TENM2: variants seen among roughly 807,000 people sequenced by gnomAD.
TENM2 encodes the protein teneurin-2.
In TENM2, 52 loss-of-function variants were observed where a neutral mutation model predicts 245.2. The ratio of observed to expected loss-of-function variants is 0.21; its 90% CI spans 0.17 to 0.27. The LOEUF is 0.27. Ranked by LOEUF, TENM2 falls within the 10% of genes least tolerant of loss-of-function variation. TENM2 has a pLI of 1.00. For missense variants in TENM2, 3,046 were observed against 3,666.8 expected (o/e 0.83, Z 4.37); for synonymous variants, 1,363 against 1,438.9 (o/e 0.95, Z 1.19).
chr5:167,721,972 C>A (rs1301658802), intron 2 of TENM2, among the ~76,000 whole-genome samples: 1 of 152,192 alleles, frequency 6.6e-6, no homozygotes, highest in Non-Finnish European at 1.5e-5. Context: ...GACGTGAAAT[C>A]CTCAGCTCTG....
chr5:167,873,021 AAC>A (rs1228287902), intron 2 of TENM2, among the ~76,000 whole-genome samples: 2 of 152,250 alleles, frequency 1.3e-5, no homozygotes, highest in Non-Finnish European at 2.9e-5. Context: ...ATGCCTCAAT[AAC>A]ACAAACTTTA....
the TENM2 span, among the ~76,000 whole-genome samples, chr5:167,073,975 G>A: frequency 6.6e-6 from 1 of 152,080 alleles, no homozygotes; most frequent in African/African-American, 2.4e-5. Context: ...TCTTTCTTAA[G>A]ACACCTACAA....
intron 2 of TENM2, among the ~76,000 whole-genome samples, chr5:167,447,790 C>T (rs1765321051): frequency 1.3e-5 from 2 of 152,328 alleles, no homozygotes; most frequent in South Asian, 2.1e-4. Context: ...CCTGCCCATG[C>T]TGTCTTTCTT....
At chr5:167,016,712 T>C in the TENM2 span, among the ~76,000 whole-genome samples, 2 of 152,200 alleles carry the variant, frequency 1.3e-5, no homozygotes, top group African/African-American at 2.4e-5. Flanking sequence ...ACACATATGC[T>C]AGTTTGCTTT....
intron 2 of TENM2, among the ~76,000 whole-genome samples, chr5:167,874,823 C>A (rs1333370039): frequency 6.6e-6 from 1 of 152,204 alleles, no homozygotes; most frequent in Non-Finnish European, 1.5e-5. Flanking sequence ...CGCTCCATGT[C>A]ACTGAGCACC....
chr5:167,731,267 G>A (rs1262966252), intron 2 of TENM2, among the ~76,000 whole-genome samples: 2 of 150,670 alleles, frequency 1.3e-5, no homozygotes, highest in Non-Finnish European at 2.9e-5. Flanking sequence ...CGTTTTGAGC[G>A]AGATGGAAGA....
chr5:167,184,409 A>G, the TENM2 span, among the ~76,000 whole-genome samples: 1 of 152,190 alleles, frequency 6.6e-6, no homozygotes, highest in East Asian at 1.9e-4. Context: ...TACTGAAAAT[A>G]CCGTTTATAA....
At chr5:167,203,409 A>G in the TENM2 span, among the ~76,000 whole-genome samples, 2 of 151,990 alleles carry the variant, frequency 1.3e-5, no homozygotes, top group African/African-American at 4.8e-5. Flanking sequence ...CCTTCTTTCT[A>G]TCCTCTGTGG....
chr5:168,039,426 A>G (rs191447439), intron 5 of TENM2, among the ~76,000 whole-genome samples: 1 of 152,344 alleles, frequency 6.6e-6, no homozygotes, highest in East Asian at 1.9e-4. Flanking sequence ...TTTCGTTATC[A>G]GAAAAGCTCT....
At chr5:167,249,475 C>A in the TENM2 span, among the ~76,000 whole-genome samples, 7 of 152,202 alleles carry the variant, frequency 4.6e-5, no homozygotes, top group Admixed American at 3.9e-4. Context: ...CTCTGTCTCT[C>A]ACCTCCTCCT....
intron 2 of TENM2, among the ~76,000 whole-genome samples, chr5:167,643,064 A>T (rs943428064): frequency 5.3e-5 from 8 of 152,192 alleles, no homozygotes; most frequent in Non-Finnish European, 1.5e-5. Flanking sequence ...ATTATTGTTA[A>T]ATCATCTATG....
At chr5:166,991,169 A>ATT in the TENM2 span, among the ~76,000 whole-genome samples, 1 of 139,676 alleles carries the variant, frequency 7.2e-6, no homozygotes, top group Non-Finnish European at 1.6e-5. Flanking sequence ...TGGTGTTTTG[A>ATT]TTTTTTTTTT....
At chr5:167,923,810 C>T (rs933204223) in intron 3 of TENM2, among the ~76,000 whole-genome samples, 1 of 152,046 alleles carries the variant, frequency 6.6e-6, no homozygotes, top group African/African-American at 2.4e-5. Context: ...CTAGTATCTC[C>T]CACTGTCTTA....
intron 2 of TENM2, among the ~76,000 whole-genome samples, chr5:167,630,727 C>T (rs765196250): frequency 1.3e-5 from 2 of 152,102 alleles, no homozygotes; most frequent in African/African-American, 2.4e-5. Context: ...TATTTAAAGC[C>T]AAACTGGATC....
chr5:167,638,934 T>C (rs1779386423), intron 2 of TENM2, among the ~76,000 whole-genome samples: 1 of 152,208 alleles, frequency 6.6e-6, no homozygotes, highest in African/African-American at 2.4e-5. Flanking sequence ...GGGCTAACAC[T>C]TGTCTCTCAG....
At chr5:168,213,946 C>T (rs1398590420) in intron 20 of TENM2, among the ~76,000 whole-genome samples, 1 of 152,192 alleles carries the variant, frequency 6.6e-6, no homozygotes, top group African/African-American at 2.4e-5. Flanking sequence ...ATTGTAATAA[C>T]CAGTATAGGA....
intron 2 of TENM2, among the ~76,000 whole-genome samples, chr5:167,485,015 T>C (rs1767974496): frequency 6.6e-6 from 1 of 152,268 alleles, no homozygotes; most frequent in South Asian, 2.1e-4. Context: ...AGTACAGTGA[T>C]ATATTCTGTA....
intron 2 of TENM2, among the ~76,000 whole-genome samples, chr5:167,781,980 C>A (rs1203377787): frequency 1.3e-5 from 2 of 150,878 alleles, no homozygotes; most frequent in African/African-American, 4.9e-5. Context: ...GCACTCCAGT[C>A]TGGGTGACAG....
chr5:168,129,730 T>C (rs1337949941), intron 12 of TENM2: 4 of 152,350 alleles, frequency 2.6e-5, no homozygotes, highest in African/African-American at 9.6e-5. Context: ...TCTTCTAGTT[T>C]GAGCAGACAC....
Sources: allele counts gnomAD v4.1 joint callset (sites outside exome capture counted in the v4.1 genomes callset), GRCh38; gene constraint gnomAD v4.1.1; transcripts MANE v1.5; gene names NCBI Gene and HGNC (gene_info 2026-07-23, HGNC 2026-07-21).